ROBO2: variants seen among roughly 807,000 people sequenced by gnomAD.
ROBO2 encodes roundabout guidance receptor 2, also known as roundabout homolog 2.
Under a neutral mutation model 160.8 loss-of-function variants are expected in ROBO2, and 53 were observed. That is an observed-to-expected ratio of 0.33 (90% confidence interval 0.26 to 0.41). ROBO2 has a LOEUF of 0.41. Among genes scored for constraint, ROBO2 ranks in the 10% least tolerant of loss-of-function variants. The probability of loss-of-function intolerance (pLI) is 1.00; values close to 1 mark genes in which losing one functional copy is unlikely to be tolerated. For missense variants in ROBO2, 1,577 were observed against 1,722.4 expected (o/e 0.92, Z 1.49); for synonymous variants, 664 against 611.7 (o/e 1.09, Z -1.26).
intron 2 of ROBO2, among the ~76,000 whole-genome samples, chr3:77,476,240 A>C (rs535960142): frequency 1.3e-5 from 2 of 152,286 alleles, no homozygotes; most frequent in East Asian, 1.9e-4. Context: ...AGTGGGTCTC[A>C]TTATAGGACA....
At chr3:76,951,667 ATG>A (rs1238674300) in intron 2 of ROBO2, among the ~76,000 whole-genome samples, 1 of 152,070 alleles carries the variant, frequency 6.6e-6, no homozygotes, top group East Asian at 1.9e-4. Flanking sequence ...CATGTACGAT[ATG>A]TGTGTTGTAT....
chr3:77,462,413 G>T (rs1023035390), intron 2 of ROBO2, among the ~76,000 whole-genome samples: 1 of 152,106 alleles, frequency 6.6e-6, no homozygotes, highest in African/African-American at 2.4e-5. Flanking sequence ...TAGTTGAATT[G>T]TACACTTTGA....
chr3:75,974,897 T>C (rs540459718), intron 2 of ROBO2, among the ~76,000 whole-genome samples: 5 of 151,642 alleles, frequency 3.3e-5, no homozygotes, highest in African/African-American at 1.2e-4. Context: ...CATACAGAGA[T>C]GTGTGTTTAT....
intron 2 of ROBO2, among the ~76,000 whole-genome samples, chr3:76,547,020 C>T (rs1012985293): frequency 1.3e-5 from 2 of 151,940 alleles, no homozygotes; most frequent in Admixed American, 1.3e-4. Context: ...TACTTAATTA[C>T]TCTAGAGAGT....
At chr3:77,538,601 C>A (rs572957625) in intron 6 of ROBO2, among the ~76,000 whole-genome samples, 2 of 152,164 alleles carry the variant, frequency 1.3e-5, no homozygotes, top group South Asian at 4.2e-4. Context: ...ACATTGCTTC[C>A]TCTGAGATGA....
intron 1 of ROBO2, among the ~76,000 whole-genome samples, chr3:77,074,168 A>AT (rs1446298319): frequency 6.6e-6 from 1 of 152,220 alleles, no homozygotes; most frequent in Non-Finnish European, 1.5e-5. Flanking sequence ...TAGATTTAGC[A>AT]TACATACTCA....
At chr3:76,865,091 TAC>T (rs2071225046) in intron 2 of ROBO2, among the ~76,000 whole-genome samples, 2 of 152,144 alleles carry the variant, frequency 1.3e-5, no homozygotes, top group South Asian at 4.1e-4. Flanking sequence ...AGAGACATCT[TAC>T]AGACCATTCT....
chr3:76,394,388 C>T (rs1385656431), intron 2 of ROBO2, among the ~76,000 whole-genome samples: 1 of 152,056 alleles, frequency 6.6e-6, no homozygotes, highest in Non-Finnish European at 1.5e-5. Context: ...ACTTATGAAG[C>T]TTAGTTGGGC....
chr3:76,754,607 A>G (rs1218733147), intron 2 of ROBO2, among the ~76,000 whole-genome samples: 2 of 151,904 alleles, frequency 1.3e-5, no homozygotes, highest in East Asian at 1.9e-4. Context: ...ATTATTTCCA[A>G]TTAAGAAACA....
At position 77,108,061 on chromosome 3, in the gene ROBO2, AT is replaced by A. The variant is rs2073048420; in HGVS notation, c.388+9725del. On this transcript the variant is annotated intron_variant, in intron 2 of 25. Transcript: ENST00000461745. Reference sequence around the variant, plus strand: ...ACATGAGGTATATTTGATATAAACCATTTTATATAAATCCACCTACCTCATT... The same window carrying A: ...ACATGAGGTATATTTGATATAAACCATTTATATAAATCCACCTACCTCATT... 2.0e-5 allele frequency among the ~76,000 whole-genome samples: 3 copies of A among 151,814 alleles called. No individual in the cohort carries two copies. In the South Asian group the frequency reaches 6.2e-4, roughly 31 times the overall value.
intron 2 of ROBO2, among the ~76,000 whole-genome samples, chr3:75,937,858 T>TATATATATATCCC (rs1947865897): frequency 1.4e-5 from 2 of 142,910 alleles, no homozygotes; most frequent in African/African-American, 5.2e-5. Flanking sequence ...TATATATATA[T>TATATATATATCCC]ATATATATAT....
At chr3:76,619,061 C>T (rs1205172250) in intron 2 of ROBO2, among the ~76,000 whole-genome samples, 1 of 150,610 alleles carries the variant, frequency 6.6e-6, no homozygotes, top group African/African-American at 2.5e-5. Flanking sequence ...AAAAAATAGG[C>T]CGGGCGCGGT....
At chr3:77,049,948 C>G (rs1430047004) in intron 1 of ROBO2, among the ~76,000 whole-genome samples, 3 of 152,066 alleles carry the variant, frequency 2.0e-5, no homozygotes, top group African/African-American at 7.2e-5. Context: ...TTCCAAAAAA[C>G]TTGAGTTAAG....
intron 2 of ROBO2, among the ~76,000 whole-genome samples, chr3:77,144,890 G>A (rs1301129444): frequency 1.3e-5 from 2 of 152,102 alleles, no homozygotes; most frequent in African/African-American, 4.8e-5. Context: ...GCCTTGCCAA[G>A]TGGAACATGA....
At chr3:77,254,313 C>T (rs933037271) in intron 2 of ROBO2, among the ~76,000 whole-genome samples, 2 of 152,110 alleles carry the variant, frequency 1.3e-5, no homozygotes, top group Non-Finnish European at 2.9e-5. Context: ...GTGATTTCCA[C>T]ATTAAGTCAA....
At chr3:76,157,824 T>A (rs1031425695) in intron 2 of ROBO2, among the ~76,000 whole-genome samples, 4 of 152,202 alleles carry the variant, frequency 2.6e-5, no homozygotes, top group African/African-American at 7.2e-5. Flanking sequence ...TAGATTTAAC[T>A]ACCATTTCTA....
intron 2 of ROBO2, among the ~76,000 whole-genome samples, chr3:76,578,184 G>A (rs2085431411): frequency 6.6e-6 from 1 of 152,170 alleles, no homozygotes; most frequent in African/African-American, 2.4e-5. Flanking sequence ...GTCGTCATGA[G>A]TGTTAAATAA....
chr3:77,602,706 A>G (rs2094457533), intron 20 of ROBO2, among the ~76,000 whole-genome samples: 1 of 74,788 alleles, frequency 1.3e-5, no homozygotes, highest in Non-Finnish European at 2.6e-5. Context: ...CGCCACCACC[A>G]CCTCCTCCAC....
intron 2 of ROBO2, among the ~76,000 whole-genome samples, chr3:76,923,378 T>C (rs2076789032): frequency 6.6e-6 from 1 of 152,244 alleles, no homozygotes; most frequent in African/African-American, 2.4e-5. Flanking sequence ...TCTAGAAGGA[T>C]GTACATGTAT....
Sources: gnomAD v4.1 joint callset for allele counts (sites outside exome capture counted in the v4.1 genomes callset) on GRCh38, gnomAD v4.1.1 for gene constraint, MANE v1.5 for transcripts, NCBI Gene and HGNC (gene_info 2026-07-23, HGNC 2026-07-21) for gene names.